AP3B1: variants seen among roughly 807,000 people sequenced by gnomAD.
The protein encoded by AP3B1 is AP-3 complex subunit beta-1.
A neutral mutation model predicts 132.5 loss-of-function variants in AP3B1; 61 were observed. The ratio of observed to expected loss-of-function variants is 0.46; its 90% confidence interval spans 0.37 to 0.57. The LOEUF is 0.57. AP3B1 is among the 20% of genes least tolerant of loss of function. The pLI, the probability that AP3B1 is intolerant of heterozygous loss-of-function variation, is 0.00. For missense variants in AP3B1, 1,120 were observed against 1,289.4 expected (o/e 0.87, Z 2.01); for synonymous variants, 388 against 438.3 (o/e 0.89, Z 1.43).
chr5:78,246,809 C>T (rs959314171), intron 2 of AP3B1, among the ~76,000 whole-genome samples: 3 of 152,102 alleles, frequency 2.0e-5, no homozygotes, highest in African/African-American at 7.2e-5. Context: ...TTTTTCTCTA[C>T]TCAATTTCAT....
chr5:78,029,998 G>T (rs1278457916), intron 24 of AP3B1, among the ~76,000 whole-genome samples: 5 of 152,070 alleles, frequency 3.3e-5, no homozygotes, highest in Admixed American at 3.3e-4. Context: ...ACTTGTCTCT[G>T]TGGGGATTTT....
intron 3 of AP3B1, among the ~76,000 whole-genome samples, chr5:78,228,631 G>A (rs1561489255): frequency 6.6e-6 from 1 of 152,200 alleles, no homozygotes; most frequent in East Asian, 1.9e-4. Context: ...GAGGCAGGAG[G>A]ATCACTTGAG....
chr5:78,079,059 G>C (rs763614572), intron 22 of AP3B1, among the ~76,000 whole-genome samples: 25 of 152,288 alleles, frequency 1.6e-4, no homozygotes, highest in Middle Eastern at 3.4e-3. Flanking sequence ...AATACAGCTA[G>C]TATTCCACCA....
intron 3 of AP3B1, among the ~76,000 whole-genome samples, chr5:78,238,694 G>GA (rs1746985898): frequency 6.6e-6 from 1 of 151,216 alleles, no homozygotes; most frequent in South Asian, 2.1e-4. Context: ...ATGCAAGTTG[G>GA]AAAAAAACTA....
chr5:78,053,674 A>G (rs252796), intron 22 of AP3B1, among the ~76,000 whole-genome samples: 38,131 of 129,308 alleles, frequency 0.29, 5,786 homozygotes, highest in Admixed American at 0.43. Flanking sequence ...GCAAGACTCC[A>G]TCTCAAAAAA....
At chr5:78,188,132 A>G (rs1744679215) in intron 7 of AP3B1, among the ~76,000 whole-genome samples, 1 of 152,238 alleles carries the variant, frequency 6.6e-6, no homozygotes, top group Admixed American at 6.5e-5. Flanking sequence ...TAAAAACCCT[A>G]GAAGAAAATC....
At chr5:78,054,342 T>C (rs1222760785) in intron 22 of AP3B1, among the ~76,000 whole-genome samples, 1 of 152,056 alleles carries the variant, frequency 6.6e-6, no homozygotes, top group Non-Finnish European at 1.5e-5. Flanking sequence ...TCACTGAATA[T>C]GGATAAGTGA....
intron 26 of AP3B1, among the ~76,000 whole-genome samples, chr5:78,004,326 C>T (rs1234558238): frequency 6.6e-6 from 1 of 152,168 alleles, no homozygotes; most frequent in Non-Finnish European, 1.5e-5. Flanking sequence ...TCGCACAGAG[C>T]CCACGGTGTC....
intron 21 of AP3B1, among the ~76,000 whole-genome samples, chr5:78,098,629 T>C (rs1340831640): frequency 6.6e-6 from 1 of 152,240 alleles, no homozygotes; most frequent in Non-Finnish European, 1.5e-5. Context: ...TTCTTGTCTG[T>C]TCCCAGGTTA....
intron 15 of AP3B1, among the ~76,000 whole-genome samples, chr5:78,136,091 T>G (rs192285717): frequency 6.8e-6 from 1 of 147,744 alleles, no homozygotes; most frequent in Non-Finnish European, 1.5e-5. Context: ...AAATCAGTAG[T>G]TTTTTTTCCT....
At chr5:78,255,889 C>A (rs1747827140) in intron 2 of AP3B1, among the ~76,000 whole-genome samples, 1 of 152,022 alleles carries the variant, frequency 6.6e-6, no homozygotes, top group Non-Finnish European at 1.5e-5. Context: ...ATAATTGCAT[C>A]TTCTCTAATC....
chr5:78,021,226 AG>A (rs1471577638), intron 24 of AP3B1, among the ~76,000 whole-genome samples: 1 of 152,132 alleles, frequency 6.6e-6, no homozygotes, highest in African/African-American at 2.4e-5. Context: ...TTTTAAATGA[AG>A]AAGAAAATAG....
intron 11 of AP3B1, among the ~76,000 whole-genome samples, chr5:78,167,645 A>G (rs1743699517): frequency 6.6e-6 from 1 of 152,114 alleles, no homozygotes. Context: ...ACACACACAC[A>G]CACACACACA....
intron 14 of AP3B1, among the ~76,000 whole-genome samples, chr5:78,146,018 TC>T (rs1753374859): frequency 1.3e-5 from 2 of 152,182 alleles, no homozygotes; most frequent in Admixed American, 1.3e-4. Flanking sequence ...AGAATGACAC[TC>T]CTGGGTTTGA....
At position 78,294,483 on chromosome 5, in the gene AP3B1, C is replaced by G; in HGVS notation, c.97G>C (p.Ala33Pro). 1.2e-6 allele frequency: 2 copies of G among 1,614,248 alleles called. No individual in the cohort carries two copies. The highest frequency in any genetic ancestry group is 1.7e-6 in the Non-Finnish European group (2 of 1,180,054). ...EATSTISPSG[A>P]FGLFSSDLKK... Reference sequence around the variant, plus strand: ...AAATCGCTGCTAAAGAGGCCGAAGGCCCCCGAGGGGGAAATGGTTGAGGTC... The same window carrying G: ...AAATCGCTGCTAAAGAGGCCGAAGGGCCCCGAGGGGGAAATGGTTGAGGTC... Residue 33 changes from alanine (A) to proline (P), a missense_variant, in exon 1 of 27, where the codon GCC becomes CCC. By Grantham distance (27) the Ala-to-Pro change is conservative. Transcript: ENST00000255194.
chr5:78,261,558 C>T (rs887491723), intron 2 of AP3B1, among the ~76,000 whole-genome samples: 7 of 152,274 alleles, frequency 4.6e-5, no homozygotes, highest in Middle Eastern at 6.8e-3. Context: ...CTCTGCCTTT[C>T]GGGTTCAAGC....
intron 22 of AP3B1, among the ~76,000 whole-genome samples, chr5:78,060,216 C>A (rs1748985178): frequency 6.6e-6 from 1 of 152,188 alleles, no homozygotes; most frequent in African/African-American, 2.4e-5. Context: ...AATGAGGACT[C>A]TTAAGCATTC....
At chr5:78,034,999 C>G (rs1747743405) in intron 23 of AP3B1, among the ~76,000 whole-genome samples, 1 of 151,800 alleles carries the variant, frequency 6.6e-6, no homozygotes, top group African/African-American at 2.4e-5. Context: ...AATGTTAAGT[C>G]TAATTGCATT....
intron 1 of AP3B1, among the ~76,000 whole-genome samples, chr5:78,277,289 C>G (rs541228677): frequency 1.3e-5 from 2 of 152,196 alleles, no homozygotes; most frequent in South Asian, 4.1e-4. Flanking sequence ...CCATTATATG[C>G]CAGAAGCTGC....
Sources: gnomAD v4.1 joint callset for allele counts (sites outside exome capture counted in the v4.1 genomes callset) on GRCh38, gnomAD v4.1.1 for gene constraint, MANE v1.5 for transcripts, NCBI Gene and HGNC (gene_info 2026-07-23, HGNC 2026-07-21) for gene names.